Variants in LUZP2 observed in about 807,000 individuals in gnomAD.
LUZP2 encodes leucine zipper protein 2.
In LUZP2, 52 loss-of-function variants were observed where a neutral mutation model predicts 51.6. The ratio of observed to expected loss-of-function variants is 1.01; its 90% confidence interval spans 0.81 to 1.27. LUZP2 has a LOEUF of 1.27. Among genes scored for constraint, LUZP2 ranks in the 50% most tolerant of loss-of-function variants. The pLI, the probability that LUZP2 is intolerant of heterozygous loss-of-function variation, is 0.00. For synonymous variants in LUZP2, 154 were observed against 137.3 expected, an observed-to-expected ratio of 1.12 and a Z score of -0.85; for missense variants, 436 against 395.4, an observed-to-expected ratio of 1.10 and a Z score of -0.87.
intron 10 of LUZP2, among the ~76,000 whole-genome samples, chr11:25,057,001 G>A (rs951984311): frequency 1.3e-5 from 2 of 152,164 alleles, no homozygotes; most frequent in Non-Finnish European, 2.9e-5. Flanking sequence ...TGGAGAGGCT[G>A]AGGCAGGACA....
rs562190685 is a variant in LUZP2, at chr11:24,913,486, T to G, written c.460-990T>G. 5.9e-5 allele frequency among the ~76,000 whole-genome samples: 9 copies of G among 152,292 alleles called. No homozygotes were observed. In the South Asian group the frequency reaches 6.2e-4, roughly 11 times the overall value. On this transcript the variant is annotated intron_variant, in intron 6 of 11. Coordinates refer to ENST00000336930, the MANE Select transcript of LUZP2 (RefSeq NM_001009909.4). Reference sequence around the variant, plus strand: ...TGAATAAAGATGCCATAAGCATTTTTGTATATGTTATAATTCTTCTTGGGT... The same window carrying G: ...TGAATAAAGATGCCATAAGCATTTTGGTATATGTTATAATTCTTCTTGGGT...
chr11:24,534,557 T>G (rs4301784), intron 1 of LUZP2, among the ~76,000 whole-genome samples: 24,725 of 151,048 alleles, frequency 0.16, 2,159 homozygotes, highest in African/African-American at 0.2. Context: ...TATTTATATA[T>G]AGAGAGAGTA....
intron 7 of LUZP2, among the ~76,000 whole-genome samples, chr11:24,930,351 C>A (rs562392107): frequency 1.3e-5 from 2 of 152,050 alleles, no homozygotes; most frequent in East Asian, 3.9e-4. Context: ...TAAGGAGATT[C>A]TATTTTGATG....
intron 10 of LUZP2, among the ~76,000 whole-genome samples, chr11:25,050,387 C>T (rs535206318): frequency 1.5e-3 from 212 of 144,994 alleles, no homozygotes; most frequent in African/African-American, 5.0e-3. Context: ...CTGCAAGCTC[C>T]GCCGCCTCCC....
intron 4 of LUZP2, among the ~76,000 whole-genome samples, chr11:24,742,001 ATTATAT>A (rs1859191537): frequency 7.5e-6 from 1 of 133,056 alleles, no homozygotes; most frequent in Non-Finnish European, 1.6e-5. Flanking sequence ...AAATGTATAT[ATTATAT>A]ATAAATATAA....
chr11:24,606,241 T>C (rs1290598041), intron 1 of LUZP2, among the ~76,000 whole-genome samples: 2 of 152,032 alleles, frequency 1.3e-5, no homozygotes, highest in Non-Finnish European at 2.9e-5. Flanking sequence ...TTTATGATAC[T>C]GCAAAAGCAA....
chr11:24,879,834 A>G (rs1852401425), intron 5 of LUZP2, among the ~76,000 whole-genome samples: 1 of 148,068 alleles, frequency 6.8e-6, no homozygotes, highest in Non-Finnish European at 1.5e-5. Context: ...AAATTGCAAG[A>G]CAAAGTCCTC....
At chr11:24,610,344 G>C (rs1037562614) in intron 1 of LUZP2, among the ~76,000 whole-genome samples, 1 of 152,162 alleles carries the variant, frequency 6.6e-6, no homozygotes, top group South Asian at 2.1e-4. Flanking sequence ...AAACAGAAAA[G>C]GGTAACTTAT....
intron 1 of LUZP2, among the ~76,000 whole-genome samples, chr11:24,612,693 G>T (rs1472716109): frequency 6.6e-6 from 1 of 152,040 alleles, no homozygotes; most frequent in Non-Finnish European, 1.5e-5. Context: ...TTTCTGCTGG[G>T]TATAAAGTGG....
chr11:24,755,283 T>A (rs1306433172), intron 4 of LUZP2, among the ~76,000 whole-genome samples: 1 of 152,224 alleles, frequency 6.6e-6, no homozygotes, highest in Non-Finnish European at 1.5e-5. Flanking sequence ...CGCATTCTGC[T>A]AAGTTTTAGT....
At chr11:24,985,820 G>A (rs1467139398) in intron 9 of LUZP2, among the ~76,000 whole-genome samples, 2 of 151,696 alleles carry the variant, frequency 1.3e-5, no homozygotes, top group South Asian at 2.1e-4. Flanking sequence ...GGAACTGAGG[G>A]AAGACATCTG....
intron 7 of LUZP2, among the ~76,000 whole-genome samples, chr11:24,961,683 G>A (rs1344659768): frequency 6.6e-6 from 1 of 152,034 alleles, no homozygotes; most frequent in Admixed American, 6.6e-5. Flanking sequence ...CTCATTGATG[G>A]GTCTTGACTC....
intron 7 of LUZP2, among the ~76,000 whole-genome samples, chr11:24,943,033 A>G (rs761640211): frequency 6.6e-6 from 1 of 152,232 alleles, no homozygotes; most frequent in African/African-American, 2.4e-5. Flanking sequence ...TGAACTGTGT[A>G]CAACTTCTTA....
chr11:24,587,615 A>T (rs1853116468), intron 1 of LUZP2, among the ~76,000 whole-genome samples: 1 of 152,074 alleles, frequency 6.6e-6, no homozygotes, highest in Non-Finnish European at 1.5e-5. Flanking sequence ...GTTACTGGAA[A>T]TTTTTTAGAG....
rs914489007 is a variant in LUZP2 at position 24,599,140 on chromosome 11, A to G, written c.62+101835A>G. Among the ~76,000 whole-genome samples, 79 of 152,124 alleles carry G rather than the reference A, an allele frequency of 5.2e-4. 1 individual carries two copies. The highest frequency in any genetic ancestry group is 2.1e-4 in the Non-Finnish European group (14 of 68,024). ...GGAGCTAGAAAATGTTTTCTTCATC[A>G]ACAACGTGATGAAGACATGAAGATA... is the stretch of plus-strand genomic sequence containing the variant. On this transcript the variant is annotated intron_variant, in intron 1 of 11. Coordinates refer to ENST00000336930, the MANE Select transcript of LUZP2 (RefSeq NM_001009909.4).
chr11:24,729,525 A>G (rs539528803), intron 2 of LUZP2, among the ~76,000 whole-genome samples: 4 of 152,094 alleles, frequency 2.6e-5, no homozygotes, highest in African/African-American at 7.2e-5. Flanking sequence ...TCAATTCCTC[A>G]AGCTTCTAAG....
chr11:24,714,401 A>G (rs930345865), intron 1 of LUZP2, among the ~76,000 whole-genome samples: 2 of 152,224 alleles, frequency 1.3e-5, no homozygotes, highest in African/African-American at 4.8e-5. Flanking sequence ...TCATAGCCAC[A>G]TAACAAAATA....
rs536398689 is a variant in LUZP2 at position 24,957,956 on chromosome 11, G to A, written c.523-18635G>A. Among the ~76,000 whole-genome samples, 140 of 152,132 alleles carry A rather than the reference G, an allele frequency of 9.2e-4. 1 individual carries two copies. The highest frequency in any genetic ancestry group is 1.6e-3 in the Non-Finnish European group (106 of 68,008). On this transcript the variant is annotated intron_variant, in intron 7 of 11. Transcript: ENST00000336930. The stretch of plus-strand genomic sequence containing the variant: ...GTGATGTTCCCCTTCCTGTGTCCAT[G>A]TGTTCTCATTGTTCAGTTCCCACCT...
rs140076247 is a variant in LUZP2, at chr11:24,924,441, A to G, written c.522+9903A>G. On this transcript the variant is annotated intron_variant, in intron 7 of 11. Coordinates refer to ENST00000336930, the MANE Select transcript of LUZP2 (RefSeq NM_001009909.4). ...CTCTTTACTGCCCGTTCCTGCCCGT[A>G]GAATGTTGAAATCTCCCAAATGCTG... Among the ~76,000 whole-genome samples the G allele has an allele frequency of 1.2e-4, 19 of 152,206 alleles. No individual in the cohort carries two copies. In the East Asian group the frequency reaches 3.7e-3, roughly 29 times the overall value.
Sources: gnomAD v4.1 joint callset for allele counts (sites outside exome capture counted in the v4.1 genomes callset) on GRCh38, gnomAD v4.1.1 for gene constraint, MANE v1.5 for transcripts, NCBI Gene and HGNC (gene_info 2026-07-23, HGNC 2026-07-21) for gene names.